PPID: variants seen among roughly 807,000 people sequenced by gnomAD.
PPID encodes the protein peptidylprolyl isomerase D.
PPID carries 47 observed loss-of-function variants against 48.1 expected under a neutral mutation model. The observed-to-expected ratio is 0.98, with a 90% CI of 0.77 to 1.25. The LOEUF is 1.25. Among genes scored for constraint, PPID ranks in the 50% most tolerant of loss-of-function variants. The pLI is 0.00. For missense variants in PPID, 429 were observed against 443.5 expected (o/e 0.97, Z 0.29); for synonymous variants, 163 against 148.8 (o/e 1.10, Z -0.69).
At chr4:158,717,607 A>G (rs2126335505) in intron 3 of PPID, among the ~76,000 whole-genome samples, 1 of 152,240 alleles carries the variant, frequency 6.6e-6, no homozygotes, top group East Asian at 1.9e-4. Flanking sequence ...TTTTTCTGGG[A>G]AGACCTGAAC....
chr4:158,716,646 TTACTTA>T (rs1181335058), intron 4 of PPID, among the ~76,000 whole-genome samples: 2 of 152,044 alleles, frequency 1.3e-5, no homozygotes, highest in Non-Finnish European at 1.5e-5. Flanking sequence ...CCTGATCCTT[TTACTTA>T]TATTTCTTTA....
chr4:158,714,026 A>G lies in PPID; in HGVS notation c.753-766T>C, dbSNP rs541174323. ...AAGGAGGCCTTGTTTCTATAAAAGG[A>G]AAAAAAAAGAAAAGAAAAATATCCA... On this transcript the variant is annotated intron_variant, in intron 6 of 9. Transcript: ENST00000307720. 9.8e-4 allele frequency among the ~76,000 whole-genome samples: 149 copies of G among 151,624 alleles called. No homozygotes were observed. In the Middle Eastern group the frequency reaches 0.027, roughly 28 times the overall value.
In PPID at chr4:158,710,853, A is replaced by C. The variant is rs568970848; in HGVS notation, c.895-5T>G. ...TGATGGGTCTAGTTCAAGAGCCTACAAAAAAGTATAAAGCTAGTATTTATA... is the reference window on the plus strand; with the variant it reads ...TGATGGGTCTAGTTCAAGAGCCTACCAAAAAGTATAAAGCTAGTATTTATA... On this transcript the variant is annotated splice_region_variant and splice_polypyrimidine_tract_variant and intron_variant, in intron 7 of 9. Transcript: ENST00000307720. 1 of 1,600,226 alleles carries C rather than the reference A, an allele frequency of 6.2e-7. No homozygotes were observed. Among genetic ancestry groups the C allele is most frequent in the Non-Finnish European group, 8.6e-7 (1 of 1,168,194 alleles).
rs776916176 is a variant in PPID at position 158,719,171 on chromosome 4, CTACTT to C, written c.333+4_333+8del. 12 of 1,525,898 alleles carry C rather than the reference CTACTT, an allele frequency of 7.9e-6. No individual in the cohort carries two copies. Among genetic ancestry groups the C allele is most frequent in the African/African-American group, 4.1e-5 (3 of 72,908 alleles). 94.5% of individuals were successfully genotyped at this position (1,525,898 alleles called of 1,614,324 possible). Reference sequence around the variant, plus strand: ...TTATCAGCAATAACATGCATTTTCTCTACTTTACCTTGTAATGGAAATTTTCATCT... The same window carrying C: ...TTATCAGCAATAACATGCATTTTCTCTACCTTGTAATGGAAATTTTCATCT... On this transcript the variant is annotated splice_donor_5th_base_variant and intron_variant, in intron 3 of 9. Transcript: ENST00000307720.
In PPID at chr4:158,710,808, C is replaced by A. The variant is rs146023246; in HGVS notation, c.935G>T (p.Arg312Leu). The change falls in exon 8 of 10, where the codon CGC (arginine) becomes CTC (leucine). Residue 312 changes from arginine (R) to leucine (L), a missense_variant. By Grantham distance (102) the Arg-to-Leu change is moderately radical. Coordinates refer to ENST00000307720, the MANE Select transcript of PPID (RefSeq NM_005038.3). ...TAATCCTTGCCATCCTTGAGCTCTG[C>A]GGTACAATGCTTTGGTATTTGATGG... ...LDPSNTKALY[R>L]RAQGWQGLKE... is the part of the protein sequence containing the mutation. The A allele has an allele frequency of 3.7e-6, 6 of 1,613,604 alleles. No individual in the cohort carries two copies. The East Asian group carries it at 1.3e-4, about 36-fold the overall frequency.
Position 158,715,324 on chromosome 4 carries a change from G to T in PPID, c.725C>A (p.Ala242Asp). The change falls in exon 6 of 10, where the codon GCT (alanine) becomes GAT (aspartate). Residue 242 changes from alanine (A) to aspartate (D), a missense_variant. Ala to Asp is a moderately radical substitution (Grantham distance 126). Transcript: ENST00000307720. ...TFFKSQNWEM[A>D]IKKYAEVLRY... ...TAAAACTTCTGCATATTTTTTAATA[G>T]CCATCTCCCAGTTCTGGGATTTGAA... 6.6e-7 allele frequency: 1 copy of T among 1,525,966 alleles called. No individual in the cohort carries two copies. Among genetic ancestry groups the T allele is most frequent in the Non-Finnish European group, 8.8e-7 (1 of 1,138,300 alleles). The allele number at this position is 1,525,966 out of a possible 1,614,324, so 94.5% of individuals were successfully genotyped here.
Position 158,721,495 on chromosome 4 carries a change from G to C in PPID, c.86-12C>G, listed in dbSNP as rs1235400410. 1.2e-6 allele frequency: 2 copies of C among 1,611,084 alleles called. No homozygotes were observed. The highest frequency in any genetic ancestry group is 1.1e-5 in the South Asian group (1 of 90,110). On this transcript the variant is annotated splice_polypyrimidine_tract_variant and intron_variant, in intron 1 of 9. Transcript: ENST00000307720. ...GACAATTCGACCAACTAAAAGAAAA[G>C]AAAATCTTGTCAGTATGCAAAACAA...
intron 7 of PPID, among the ~76,000 whole-genome samples, chr4:158,711,860 AGGAG>A (rs1357429684): frequency 6.6e-6 from 1 of 152,054 alleles, no homozygotes; most frequent in Admixed American, 6.5e-5. Flanking sequence ...CCAGCTACTT[AGGAG>A]GCTGAGGTAG....
At chr4:158,716,830 G>A (rs17843924) in intron 4 of PPID, among the ~76,000 whole-genome samples, 182 bp downstream of exon 4, 2,486 of 152,110 alleles carry the variant, frequency 0.016, 31 homozygotes, top group Non-Finnish European at 0.025. Context: ...GTGTTGTAGC[G>A]CGCGCCTGTA....
chr4:158,719,942 T>C (rs183453858), intron 2 of PPID, among the ~76,000 whole-genome samples: 151 of 152,298 alleles, frequency 9.9e-4, no homozygotes, highest in African/African-American at 3.2e-3. Flanking sequence ...GAAAAATCCA[T>C]GTGCAGGCTT....
At position 158,719,290 on chromosome 4, in the gene PPID, CA is replaced by C; in HGVS notation, c.227-5del. 1 of 1,567,682 alleles carries C rather than the reference CA, an allele frequency of 6.4e-7. No individual in the cohort carries two copies. The highest frequency in any genetic ancestry group is 8.8e-7 in the Non-Finnish European group (1 of 1,139,550). On this transcript the variant is annotated splice_polypyrimidine_tract_variant and splice_region_variant and intron_variant, in intron 2 of 9. Transcript: ENST00000307720. ...TGAATCATAAATTTCTTAATAACTA[CA>C]AAAAAGGAAAATGGCTATTAGTGAC... is the stretch of plus-strand genomic sequence containing the variant.
intron 4 of PPID, among the ~76,000 whole-genome samples, chr4:158,715,973 A>G (rs1257175779): frequency 6.6e-6 from 1 of 152,198 alleles, no homozygotes; most frequent in Non-Finnish European, 1.5e-5. Flanking sequence ...GTTTACTACT[A>G]TTCTTGTCAT....
intron 4 of PPID, among the ~76,000 whole-genome samples, chr4:158,716,528 A>G (rs1334809831): frequency 6.7e-6 from 1 of 148,340 alleles, no homozygotes; most frequent in Non-Finnish European, 1.5e-5. Flanking sequence ...CTTTAAAACT[A>G]CCCTAATTGT....
chr4:158,710,640 G>A lies in PPID; in HGVS notation c.1012C>T (p.Pro338Ser). ...GCTGCCAACTTACCTTTATCTTCTG[G>A]TGCTATCCCCTGAGCTTTCTTAAGA... ...ADLKKAQGIA[P>S]EDKAIQAELL... The change falls in exon 9 of 10, where the codon CCA becomes TCA. Residue 338 changes from proline (P) to serine (S), a missense_variant. Transcript: ENST00000307720. 6.2e-7 allele frequency: 1 copy of A among 1,613,744 alleles called. No homozygotes were observed. Among genetic ancestry groups the A allele is most frequent in the Non-Finnish European group, 8.5e-7 (1 of 1,179,824 alleles).
chr4:158,720,704 TGTTTG>T (rs1774943537), intron 2 of PPID, among the ~76,000 whole-genome samples: 1 of 830 alleles, frequency 1.2e-3, no homozygotes, highest in African/African-American at 1.3e-3. Context: ...TGCATTTTTT[TGTTTG>T]TTTGTTTGTT....
intron 1 of PPID, among the ~76,000 whole-genome samples, chr4:158,721,855 C>A (rs1265503413): frequency 6.6e-6 from 1 of 152,108 alleles, no homozygotes; most frequent in Non-Finnish European, 1.5e-5. Context: ...ATAATGTCCT[C>A]CATATTAATT....
At chr4:158,710,072 C>G (rs1299338172) in intron 9 of PPID, 1 of 482,190 alleles carries the variant, frequency 2.1e-6, no homozygotes, top group Non-Finnish European at 3.7e-6. Flanking sequence ...ACAGTAATTG[C>G]TTCCCTTGTT....
In PPID at chr4:158,710,939, C is replaced by T. The variant is rs1322827081; in HGVS notation, c.895-91G>A. ...ATTGCCTATCAACTCCAAACCCATC[C>T]TTCACTGCTCTGTGAAAATGGAGCT... is the stretch of plus-strand genomic sequence containing the variant. On this transcript the variant is annotated intron_variant, in intron 7 of 9. Transcript: ENST00000307720. 7 of 1,122,194 alleles carry T rather than the reference C, an allele frequency of 6.2e-6. No individual in the cohort carries two copies. In the Admixed American group the frequency reaches 1.4e-4, roughly 23 times the overall value. The allele number at this position is 1,122,194 out of a possible 1,614,324, so 69.5% of individuals were successfully genotyped here. A position where few individuals can be genotyped will look rare whatever the true frequency, so the allele number is the denominator to read the frequency against.
chr4:158,717,086 CA>C lies in PPID; in HGVS notation c.447del (p.Phe149LeufsTer4). 2.5e-6 allele frequency: 4 copies of C among 1,614,056 alleles called. No individual in the cohort carries two copies. Among genetic ancestry groups the C allele is most frequent in the Non-Finnish European group, 3.4e-6 (4 of 1,179,938 alleles). ...TPHLDGKHVV[F>X]GQVIKGIGVA... is the part of the protein sequence containing the mutation. ...ACTCCTATTCCTTTAATTACTTGGC[CA>C]AACACCACATGTTTCCCATCCAAAT... On this transcript the variant is annotated frameshift_variant, in exon 4 of 10. Coordinates refer to ENST00000307720, the MANE Select transcript of PPID (RefSeq NM_005038.3). LOFTEE classifies it high-confidence loss of function.
Sources: allele counts gnomAD v4.1 joint callset (sites outside exome capture counted in the v4.1 genomes callset), GRCh38; gene constraint gnomAD v4.1.1; transcripts MANE v1.5; gene names NCBI Gene and HGNC (gene_info 2026-07-23, HGNC 2026-07-21).